Variants in APP observed in about 807,000 individuals in gnomAD.
APP encodes the protein amyloid-beta precursor protein.
In APP, 31 loss-of-function variants were observed where a neutral mutation model predicts 101.4. That is an observed-to-expected ratio of 0.31 (90% CI 0.23 to 0.41). The LOEUF (loss-of-function observed/expected upper bound fraction) is 0.41. Ranked by LOEUF, APP falls within the 10% of genes least tolerant of loss-of-function variation. APP has a pLI of 1.00. For missense variants in APP, 839 were observed against 1,003.7 expected (o/e 0.84, Z 2.22); for synonymous variants, 366 against 364.4 (o/e 1.00, Z -0.05).
rs567329738 is a variant in APP, at chr21:25,965,143, C to T, written c.1459-9388G>A. 3.9e-5 allele frequency among the ~76,000 whole-genome samples: 6 copies of T among 152,296 alleles called. No homozygotes were observed. In the East Asian group the frequency reaches 1.2e-3, roughly 29 times the overall value. ...ACAGAAAGGACAGAAAATGTTTGGA[C>T]TTGTATGTCTTCAAGCTTTGTTTAG... On this transcript the variant is annotated intron_variant, in intron 11 of 17. Coordinates refer to ENST00000346798, the MANE Select transcript of APP (RefSeq NM_000484.4).
At chr21:25,900,609 T>C (rs1372970568) in intron 15 of APP, among the ~76,000 whole-genome samples, 1 of 151,908 alleles carries the variant, frequency 6.6e-6, no homozygotes, top group Non-Finnish European at 1.5e-5. Flanking sequence ...AGGTTAGAAC[T>C]ATATTTCTGA....
At chr21:25,936,947 G>A (rs2040389416) in intron 13 of APP, among the ~76,000 whole-genome samples, 1 of 152,094 alleles carries the variant, frequency 6.6e-6, no homozygotes, top group Admixed American at 6.5e-5. Context: ...GATGTGCAAG[G>A]AATTTCTTGT....
intron 8 of APP, among the ~76,000 whole-genome samples, chr21:25,988,575 G>A (rs895646593): frequency 5.3e-5 from 8 of 151,924 alleles, no homozygotes; most frequent in Admixed American, 2.0e-4. Context: ...GGTGGCAGGC[G>A]CCTGTAATCC....
intron 8 of APP, 70 bp from the exon 9 acceptor site, chr21:25,982,547 T>G (rs1486898015): frequency 2.8e-6 from 4 of 1,453,112 alleles, no homozygotes; most frequent in Non-Finnish European, 3.8e-6. Context: ...ACTCGTTTAA[T>G]AGAAAGCCGT....
intron 17 of APP, among the ~76,000 whole-genome samples, chr21:25,888,603 T>C (rs2037493916): frequency 6.6e-6 from 1 of 152,068 alleles, no homozygotes; most frequent in Admixed American, 6.6e-5. Context: ...TTCCAGTTGC[T>C]CTCCAGTAGA....
intron 2 of APP, among the ~76,000 whole-genome samples, chr21:26,096,138 G>A (rs1568968988): frequency 1.3e-5 from 2 of 152,078 alleles, no homozygotes; most frequent in African/African-American, 4.8e-5. Context: ...AAATGCCTAC[G>A]CCCATTAGGG....
intron 16 of APP, among the ~76,000 whole-genome samples, chr21:25,893,659 G>A (rs1260623029): frequency 6.6e-6 from 1 of 152,204 alleles, no homozygotes; most frequent in African/African-American, 2.4e-5. Flanking sequence ...AGGTGAAGAA[G>A]CTGCAGAAGA....
intron 3 of APP, among the ~76,000 whole-genome samples, chr21:26,055,896 C>T (rs950360775): frequency 6.6e-6 from 1 of 152,200 alleles, no homozygotes; most frequent in Non-Finnish European, 1.5e-5. Context: ...ATAAATCAGA[C>T]AGTAAGTGCC....
intron 15 of APP, among the ~76,000 whole-genome samples, chr21:25,900,016 CTTA>C (rs1291513112): frequency 1.3e-5 from 2 of 152,070 alleles, no homozygotes; most frequent in Non-Finnish European, 2.9e-5. Flanking sequence ...GTTCTCTATT[CTTA>C]TTTATTTTCT....
At chr21:25,981,763 C>T (rs1216457264) in intron 9 of APP, among the ~76,000 whole-genome samples, 1 of 131,684 alleles carries the variant, frequency 7.6e-6, no homozygotes, top group Non-Finnish European at 1.6e-5. Context: ...GAGTACTGTA[C>T]TAGGAGCAAG....
rs191993754 is a variant in APP at position 25,969,039 on chromosome 21, G to A, written c.1458+6031C>T. Among the ~76,000 whole-genome samples, 63 of 152,180 alleles carry A rather than the reference G, an allele frequency of 4.1e-4. 1 individual carries two copies. Among genetic ancestry groups the A allele is most frequent in the African/African-American group, 1.3e-3 (52 of 41,528 alleles). ...GTAAGCTCTGGATTTATGTCTTCAA[G>A]AGGAAGGTATAAAAGTCCTCAAGAA... On this transcript the variant is annotated intron_variant, in intron 11 of 17. Transcript: ENST00000346798.
intron 7 of APP, among the ~76,000 whole-genome samples, chr21:25,999,395 A>T (rs967820528): frequency 6.6e-6 from 1 of 152,218 alleles, no homozygotes; most frequent in Non-Finnish European, 1.5e-5. Context: ...GAAGAAGCAG[A>T]AGTTTGACCT....
chr21:26,025,940 C>A (rs1360921132), intron 5 of APP, among the ~76,000 whole-genome samples: 1 of 152,124 alleles, frequency 6.6e-6, no homozygotes, highest in African/African-American at 2.4e-5. Context: ...CCAAAGAATG[C>A]CAAACACAAC....
chr21:26,003,434 A>AT (rs2043382292), intron 6 of APP, among the ~76,000 whole-genome samples: 1 of 152,212 alleles, frequency 6.6e-6, no homozygotes, highest in African/African-American at 2.4e-5. Flanking sequence ...GGCCCCCAAG[A>AT]GTTTCACTGC....
intron 1 of APP, among the ~76,000 whole-genome samples, chr21:26,144,231 T>C (rs1419349087): frequency 3.9e-5 from 6 of 152,102 alleles, no homozygotes; most frequent in Non-Finnish European, 2.9e-5. Flanking sequence ...CCACTACACA[T>C]GGGGATTATG....
At chr21:26,030,118 C>T (rs2044754956) in intron 5 of APP, among the ~76,000 whole-genome samples, 1 of 152,170 alleles carries the variant, frequency 6.6e-6, no homozygotes, top group South Asian at 2.1e-4. Context: ...AGCAATAGAG[C>T]AACAATCTAA....
chr21:26,036,908 A>C (rs2045137700), intron 5 of APP, among the ~76,000 whole-genome samples: 1 of 152,240 alleles, frequency 6.6e-6, no homozygotes. Context: ...AGCACTACTC[A>C]CAATAGCCAA....
intron 1 of APP, among the ~76,000 whole-genome samples, chr21:26,135,550 G>A (rs1038966010): frequency 4.6e-5 from 7 of 152,050 alleles, no homozygotes; most frequent in Middle Eastern, 3.2e-3. Flanking sequence ...TTCCTTAGTC[G>A]TACATTAGGA....
At chr21:25,911,984 CTT>C in intron 13 of APP, 22 bp from the exon 14 acceptor site, 1 of 1,574,816 alleles carries the variant, frequency 6.3e-7, no homozygotes, top group East Asian at 2.2e-5. Context: ...AAAACCATCT[CTT>C]TGGTGAGTAA....
Sources: gnomAD v4.1 joint callset for allele counts (sites outside exome capture counted in the v4.1 genomes callset) on GRCh38, gnomAD v4.1.1 for gene constraint, MANE v1.5 for transcripts, NCBI Gene and HGNC (gene_info 2026-07-23, HGNC 2026-07-21) for gene names.